The following SLC9A4 variants were observed in gnomAD, a reference collection of about 807,000 sequenced individuals.
The protein encoded by SLC9A4 is solute carrier family 9 member A4.
Under a neutral mutation model 67.4 loss-of-function variants are expected in SLC9A4, and 63 were observed. That is an observed-to-expected ratio of 0.93 (90% CI 0.76 to 1.15). SLC9A4 has a LOEUF of 1.15. Ranked by LOEUF, SLC9A4 falls within the 50% of genes most tolerant of loss-of-function variation. The probability of loss-of-function intolerance (pLI) is 0.00; values close to 1 mark genes in which losing one functional copy is unlikely to be tolerated. For synonymous variants in SLC9A4, 393 were observed against 367.2 expected, an observed-to-expected ratio of 1.07 and a Z score of -0.80; for missense variants, 1,089 against 987.7, an observed-to-expected ratio of 1.10 and a Z score of -1.38.
At chr2:102,486,368 T>G (rs1037170964) in intron 2 of SLC9A4, among the ~76,000 whole-genome samples, 1 of 152,212 alleles carries the variant, frequency 6.6e-6, no homozygotes, top group African/African-American at 2.4e-5. Flanking sequence ...CAAGTCCACC[T>G]GCATGAGTAC....
Position 102,533,485 on chromosome 2 carries a change from T to TTTATTA in SLC9A4, c.*817_*822dup, listed in dbSNP as rs147880077. 1.0e-4 allele frequency: 15 copies of TTTATTA among 150,236 alleles called. No homozygotes were observed. The highest frequency in any genetic ancestry group is 7.8e-4 in the East Asian group (4 of 5,152). 9.3% of individuals were successfully genotyped at this position (150,236 alleles called of 1,614,324 possible). On this transcript the variant is annotated 3_prime_UTR_variant, in exon 12 of 12. Transcript: ENST00000295269. ...CCCTAGGGTATAAAACTATTTTTCT[T>TTTATTA]TTATTATTATTATTATTATTATTAT...
rs534270276 is a variant in SLC9A4, at chr2:102,511,950, G to A, written c.1489-253G>A. On this transcript the variant is annotated intron_variant, in intron 6 of 11. Coordinates refer to ENST00000295269, the MANE Select transcript of SLC9A4 (RefSeq NM_001011552.4). ...AAGTATTATCCAAAGCAAATGCCAGGTGCCCTGTTTTCATTACGTATTATG... is the reference window on the plus strand; with the variant it reads ...AAGTATTATCCAAAGCAAATGCCAGATGCCCTGTTTTCATTACGTATTATG... Among the ~76,000 whole-genome samples the A allele has an allele frequency of 7.2e-5, 11 of 152,134 alleles. No individual in the cohort carries two copies. The East Asian group carries it at 9.6e-4, about 13-fold the overall frequency.
At chr2:102,497,372 T>C (rs1486236668) in intron 2 of SLC9A4, among the ~76,000 whole-genome samples, 1 of 152,220 alleles carries the variant, frequency 6.6e-6, no homozygotes, top group African/African-American at 2.4e-5. Context: ...TGTACATGAA[T>C]GTTCACAGCA....
At chr2:102,510,231 GGATACA>G (rs1553413618) in intron 6 of SLC9A4, among the ~76,000 whole-genome samples, 1,688 of 137,068 alleles carry the variant, frequency 0.012, 24 homozygotes, top group African/African-American at 0.024. Flanking sequence ...ATACGGATAC[GGATACA>G]GATACAGATA....
chr2:102,512,913 G>A (rs77302492), intron 7 of SLC9A4, among the ~76,000 whole-genome samples: 3 of 152,172 alleles, frequency 2.0e-5, no homozygotes, highest in Non-Finnish European at 4.4e-5. Context: ...AGTGCGGAAG[G>A]AGATTGAGAA....
Position 102,505,439 on chromosome 2 carries a change from C to T in SLC9A4, c.1166C>T (p.Thr389Ile). 1 of 1,614,168 alleles carries T rather than the reference C, an allele frequency of 6.2e-7. No homozygotes were observed. ...TGGAACTGGGCCTTCATCTGCTTCA[C>T]CCTGGCCTTCTGCCAAATCTGGAGA... ...HEWNWAFICF[T>I]LAFCQIWRAI... The change falls in exon 4 of 12, where the codon ACC becomes ATC. Residue 389 changes from threonine to isoleucine, a missense_variant. Transcript: ENST00000295269.
At chr2:102,527,474 A>C (rs939757065) in intron 11 of SLC9A4, among the ~76,000 whole-genome samples, 1 of 152,232 alleles carries the variant, frequency 6.6e-6, no homozygotes, top group South Asian at 2.1e-4. Context: ...ATTCCTAATT[A>C]ATAAATACTT....
chr2:102,505,277 T>A lies in SLC9A4; in HGVS notation c.1004T>A (p.Met335Lys). 6 of 1,614,076 alleles carry A rather than the reference T, an allele frequency of 3.7e-6. No individual in the cohort carries two copies. The highest frequency in any genetic ancestry group is 5.1e-6 in the Non-Finnish European group (6 of 1,180,014). ...AGAATCACAGCCTGCGCAGTAACAA[T>A]GAAAAAGTACGTGGAAGAAAACGTG... The part of the protein sequence containing the change: ...ILAITACAVT[M>K]KKYVEENVSQ... Residue 335 changes from methionine to lysine, a missense_variant, in exon 4 of 12, where the codon ATG becomes AAG. Coordinates refer to ENST00000295269, the MANE Select transcript of SLC9A4 (RefSeq NM_001011552.4).
At chr2:102,495,398 T>C (rs965967541) in intron 2 of SLC9A4, among the ~76,000 whole-genome samples, 1 of 152,108 alleles carries the variant, frequency 6.6e-6, no homozygotes, top group Non-Finnish European at 1.5e-5. Flanking sequence ...TCATATTCAT[T>C]AATGGAAGAG....
chr2:102,490,414 CT>C (rs1470659762), intron 2 of SLC9A4, among the ~76,000 whole-genome samples: 5 of 152,236 alleles, frequency 3.3e-5, no homozygotes, highest in Non-Finnish European at 7.3e-5. Context: ...TTGCAGGCAG[CT>C]ACCTTCTTGC....
intron 3 of SLC9A4, among the ~76,000 whole-genome samples, chr2:102,504,199 CTG>C (rs1685002455): frequency 6.6e-6 from 1 of 152,190 alleles, no homozygotes; most frequent in African/African-American, 2.4e-5. Flanking sequence ...ACTACAGGTA[CTG>C]GCCACCACGC....
chr2:102,511,024 G>A (rs1685154997), intron 6 of SLC9A4, among the ~76,000 whole-genome samples: 1 of 152,230 alleles, frequency 6.6e-6, no homozygotes, highest in African/African-American at 2.4e-5. Context: ...TGAAGTGGAT[G>A]TGTCTAACCA....
chr2:102,490,141 ATTAG>A (rs970748279), intron 2 of SLC9A4, among the ~76,000 whole-genome samples: 18 of 152,108 alleles, frequency 1.2e-4, no homozygotes, highest in African/African-American at 3.6e-4. Flanking sequence ...AGGGTCAGTA[ATTAG>A]TTAGGCTTTT....
chr2:102,508,163 G>A lies in SLC9A4; in HGVS notation c.1283G>A (p.Gly428Asp). The A allele has an allele frequency of 6.2e-7, 1 of 1,614,120 alleles. No individual in the cohort carries two copies. The highest frequency in any genetic ancestry group is 2.2e-5 in the East Asian group (1 of 44,882). Residue 428 changes from glycine to aspartate, a missense_variant, in exon 5 of 12, where the codon GGT becomes GAT. Coordinates refer to ENST00000295269, the MANE Select transcript of SLC9A4 (RefSeq NM_001011552.4). Reference sequence around the variant, plus strand: ...GACCAGTGCATCATTTTCTACAGTGGTGTTCGAGGAGCTGGAAGTTTTTCA... The same window carrying A: ...GACCAGTGCATCATTTTCTACAGTGATGTTCGAGGAGCTGGAAGTTTTTCA... ...IKDQCIIFYS[G>D]VRGAGSFSLA...
intron 8 of SLC9A4, among the ~76,000 whole-genome samples, chr2:102,517,321 G>A (rs1685294686): frequency 6.6e-6 from 1 of 152,104 alleles, no homozygotes; most frequent in Non-Finnish European, 1.5e-5. Flanking sequence ...AAAAAGATGT[G>A]TTCTTCTAAA....
Position 102,526,422 on chromosome 2 carries a change from G to A in SLC9A4, c.2038+76G>A, listed in dbSNP as rs1031019631. ...AAATATCTGGGGGTGTGGGCCAAGA[G>A]GCAACATTAAGAACATTATGTAGGT... is the stretch of plus-strand genomic sequence containing the variant. On this transcript the variant is annotated intron_variant, in intron 11 of 11. Coordinates refer to ENST00000295269, the MANE Select transcript of SLC9A4 (RefSeq NM_001011552.4). 3.6e-6 allele frequency: 5 copies of A among 1,379,932 alleles called. No homozygotes were observed. In the Admixed American group the frequency reaches 8.5e-5, roughly 23 times the overall value. The allele number at this position is 1,379,932 out of a possible 1,614,324, so 85.5% of individuals were successfully genotyped here. A position where few individuals can be genotyped will look rare whatever the true frequency, so the allele number is the denominator to read the frequency against.
intron 11 of SLC9A4, among the ~76,000 whole-genome samples, chr2:102,528,544 T>C (rs1036350276): frequency 2.6e-5 from 4 of 152,062 alleles, no homozygotes; most frequent in Non-Finnish European, 5.9e-5. Context: ...GGATTATAGG[T>C]GTGAGCCACC....
rs994822453 is a variant in SLC9A4 at position 102,530,677 on chromosome 2, T to C, written c.2039-1653T>C. 2.0e-5 allele frequency among the ~76,000 whole-genome samples: 3 copies of C among 152,212 alleles called. No homozygotes were observed. The South Asian group carries it at 6.2e-4, about 31-fold the overall frequency. On this transcript the variant is annotated intron_variant, in intron 11 of 11. Transcript: ENST00000295269. ...GGGGGCAGAAGCCTCCAGGCCATTG[T>C]TTCCTTAGCTAGTGCTTCAAGCACC...
At position 102,486,002 on chromosome 2, in the gene SLC9A4, A is replaced by G. The variant is rs78623947; in HGVS notation, c.720+6700A>G. Among the ~76,000 whole-genome samples, 566 of 152,292 alleles carry G rather than the reference A, an allele frequency of 3.7e-3. 21 individuals carry two copies. The East Asian group carries it at 0.082, about 22-fold the overall frequency. ...CCCCACTGTCCTGGACACAGGGCACATGAGGGTGAACCATGTATCCAGCCT... is the reference window on the plus strand; with the variant it reads ...CCCCACTGTCCTGGACACAGGGCACGTGAGGGTGAACCATGTATCCAGCCT... On this transcript the variant is annotated intron_variant, in intron 2 of 11. Transcript: ENST00000295269.
Sources: gnomAD v4.1 joint callset for allele counts (sites outside exome capture counted in the v4.1 genomes callset) on GRCh38, gnomAD v4.1.1 for gene constraint, MANE v1.5 for transcripts, NCBI Gene and HGNC (gene_info 2026-07-23, HGNC 2026-07-21) for gene names.